MAP2: variants seen among roughly 807,000 people sequenced by gnomAD.
MAP2 encodes the protein microtubule-associated protein 2.
In MAP2, 14 loss-of-function variants were observed where a neutral mutation model predicts 137.6. That is an observed-to-expected ratio of 0.10 (90% CI 0.07 to 0.16). MAP2 has a LOEUF of 0.16. MAP2 is among the 10% of genes least tolerant of loss of function. The pLI, the probability that MAP2 is intolerant of heterozygous loss-of-function variation, is 1.00. For missense variants in MAP2, 2,088 were observed against 2,191.5 expected, an observed-to-expected ratio of 0.95 and a Z score of 0.94; for synonymous variants, 786 against 782.3, an observed-to-expected ratio of 1.00 and a Z score of -0.08.
intron 2 of MAP2, among the ~76,000 whole-genome samples, chr2:209,513,197 C>T (rs1202376696): frequency 6.6e-6 from 1 of 152,096 alleles, no homozygotes; most frequent in South Asian, 2.1e-4. Flanking sequence ...AGAATCAAGA[C>T]AAAATTTTGA....
chr2:209,670,988 A>G (rs2048591352), intron 5 of MAP2, among the ~76,000 whole-genome samples: 1 of 152,024 alleles, frequency 6.6e-6, no homozygotes, highest in Non-Finnish European at 1.5e-5. Flanking sequence ...AAATTTAAGT[A>G]CCCATCAGAG....
chr2:209,713,408 A>G (rs1180044645), intron 13 of MAP2, among the ~76,000 whole-genome samples: 1 of 152,194 alleles, frequency 6.6e-6, no homozygotes, highest in South Asian at 2.1e-4. Flanking sequence ...AGTCACATCA[A>G]TGCCTAATGG....
chr2:209,510,067 G>A (rs1441035277), intron 2 of MAP2, among the ~76,000 whole-genome samples: 3 of 150,694 alleles, frequency 2.0e-5, no homozygotes, highest in Non-Finnish European at 4.4e-5. Context: ...CTAGAAACAA[G>A]GAAGGTAAAT....
chr2:209,446,999 G>A lies in MAP2; in HGVS notation c.-222+22723G>A, dbSNP rs547238074. Reference sequence around the variant, plus strand: ...TTCAAGATTACCTAGGACCTCTAAGGCCAACCTTTTTTTCTGGCAAAGCTG... The same window carrying A: ...TTCAAGATTACCTAGGACCTCTAAGACCAACCTTTTTTTCTGGCAAAGCTG... On this transcript the variant is annotated intron_variant, in intron 1 of 15. Transcript: ENST00000682079. Among the ~76,000 whole-genome samples, 12 of 151,930 alleles carry A rather than the reference G, an allele frequency of 7.9e-5. No individual in the cohort carries two copies. The South Asian group carries it at 2.5e-3, about 32-fold the overall frequency.
chr2:209,635,420 A>G (rs1332728930), intron 4 of MAP2, among the ~76,000 whole-genome samples: 1 of 152,176 alleles, frequency 6.6e-6, no homozygotes, highest in African/African-American at 2.4e-5. Flanking sequence ...TTATAATAGA[A>G]AAAAACCCTG....
chr2:209,463,343 C>G (rs1418085986), intron 1 of MAP2, among the ~76,000 whole-genome samples: 1 of 152,092 alleles, frequency 6.6e-6, no homozygotes, highest in African/African-American at 2.4e-5. Context: ...CTTACCATTT[C>G]TTAACTTGTC....
chr2:209,705,296 G>T, intron 11 of MAP2: 1 of 205,534 alleles, frequency 4.9e-6, no homozygotes, highest in Non-Finnish European at 9.7e-6. Flanking sequence ...TTAGTAATTT[G>T]CTGAAGATTG....
intron 7 of MAP2, among the ~76,000 whole-genome samples, chr2:209,686,487 CAGAT>C (rs916587394): frequency 1.3e-5 from 2 of 152,052 alleles, no homozygotes; most frequent in African/African-American, 4.8e-5. Flanking sequence ...AAAAACTGTA[CAGAT>C]AGATACTATA....
intron 4 of MAP2, among the ~76,000 whole-genome samples, chr2:209,630,903 C>T (rs756026321): frequency 1.4e-5 from 2 of 147,764 alleles, no homozygotes; most frequent in Non-Finnish European, 3.0e-5. Context: ...GGTTGGTGCT[C>T]AGAAACTGAG....
At chr2:209,698,860 T>TA (rs1559606960) in intron 10 of MAP2, among the ~76,000 whole-genome samples, 2 of 152,292 alleles carry the variant, frequency 1.3e-5, no homozygotes, top group East Asian at 3.9e-4. Context: ...TGATTTAGCA[T>TA]AAAAACTCTA....
chr2:209,575,518 C>CAAAAAAAAAA, intron 2 of MAP2, among the ~76,000 whole-genome samples: 1 of 28,384 alleles, frequency 3.5e-5, no homozygotes, highest in Non-Finnish European at 9.0e-5. Flanking sequence ...GACTCCATCT[C>CAAAAAAAAAA]AAAAAAAAAA....
At chr2:209,711,836 A>G (rs910361559) in intron 13 of MAP2, among the ~76,000 whole-genome samples, 4 of 152,168 alleles carry the variant, frequency 2.6e-5, no homozygotes, top group East Asian at 1.9e-4. Flanking sequence ...TATTATGTAT[A>G]TTTAAAAATC....
chr2:209,598,249 C>T (rs2081906531), intron 3 of MAP2, among the ~76,000 whole-genome samples: 1 of 151,878 alleles, frequency 6.6e-6, no homozygotes, highest in Non-Finnish European at 1.5e-5. Flanking sequence ...TTGTGATCTG[C>T]TCACCTCGGC....
At chr2:209,691,366 T>C (rs1303130691) in intron 7 of MAP2, among the ~76,000 whole-genome samples, 2 of 152,178 alleles carry the variant, frequency 1.3e-5, no homozygotes, top group Non-Finnish European at 2.9e-5. Flanking sequence ...CTGCTGATGC[T>C]TCTCATATCA....
chr2:209,482,602 A>T (rs2057866512), intron 1 of MAP2, among the ~76,000 whole-genome samples: 1 of 152,162 alleles, frequency 6.6e-6, no homozygotes, highest in African/African-American at 2.4e-5. Flanking sequence ...TTTTATACCA[A>T]ACTTTCTGAT....
At position 209,694,664 on chromosome 2, in the gene MAP2, A is replaced by G. The variant is rs2059745186; in HGVS notation, c.2494A>G (p.Lys832Glu). Residue 832 changes from lysine (K) to glutamate (E), a missense_variant, in exon 8 of 16, where the codon AAA (lysine) becomes GAA (glutamate). Transcript: ENST00000682079. Reference protein sequence around the residue: ...VSADAEVARRKSVPSETVVED... With the variant: ...VSADAEVARRESVPSETVVED... ...TGCAGATGCTGAGGTTGCCAGGAGG[A>G]AATCAGTCCCATCAGAGACTGTGGT... 1.2e-6 allele frequency: 2 copies of G among 1,614,022 alleles called. No individual in the cohort carries two copies. Among genetic ancestry groups the G allele is most frequent in the Non-Finnish European group, 1.7e-6 (2 of 1,180,030 alleles).
intron 2 of MAP2, among the ~76,000 whole-genome samples, chr2:209,541,772 C>T (rs2067088440): frequency 1.3e-5 from 2 of 152,204 alleles, no homozygotes; most frequent in Admixed American, 1.3e-4. Flanking sequence ...CCAGTCACAT[C>T]TTCAGGCTTC....
intron 13 of MAP2, among the ~76,000 whole-genome samples, chr2:209,724,461 A>C (rs2072975137): frequency 6.6e-6 from 1 of 152,152 alleles, no homozygotes; most frequent in African/African-American, 2.4e-5. Flanking sequence ...ATCTCTTTAA[A>C]CTTCAGTTTC....
Position 209,732,584 on chromosome 2 carries a change from C to T in MAP2, c.*2187C>T, listed in dbSNP as rs978731225. The T allele has an allele frequency of 6.6e-6, 1 of 152,342 alleles. No individual in the cohort carries two copies. The highest frequency in any genetic ancestry group is 2.4e-5 in the African/African-American group (1 of 41,422). 9.4% of individuals were successfully genotyped at this position (152,342 alleles called of 1,614,324 possible). On this transcript the variant is annotated 3_prime_UTR_variant, in exon 16 of 16. Transcript: ENST00000682079. ...TGTGGAGACTTAGGGTATTTTATTA[C>T]ATGTTTTCATAGTCTTAAATAGTGA... is the stretch of plus-strand genomic sequence containing the variant.
Sources: allele counts gnomAD v4.1 joint callset (sites outside exome capture counted in the v4.1 genomes callset), GRCh38; gene constraint gnomAD v4.1.1; transcripts MANE v1.5; gene names NCBI Gene and HGNC (gene_info 2026-07-23, HGNC 2026-07-21).